CIT: variants seen among roughly 807,000 people sequenced by gnomAD.
CIT encodes the protein citron Rho-interacting kinase.
In CIT, 79 loss-of-function variants were observed where a neutral mutation model predicts 272.7. That is an observed-to-expected ratio of 0.29 (90% CI 0.24 to 0.35). CIT has a LOEUF of 0.35. CIT is among the 10% of genes least tolerant of loss of function. The pLI, the probability that CIT is intolerant of heterozygous loss-of-function variation, is 1.00. For synonymous variants in CIT, 948 were observed against 995.6 expected, an observed-to-expected ratio of 0.95 and a Z score of 0.90; for missense variants, 1,909 against 2,618.3, an observed-to-expected ratio of 0.73 and a Z score of 5.91.
intron 27 of CIT, among the ~76,000 whole-genome samples, chr12:119,730,278 C>T (rs1416457983): frequency 1.3e-5 from 2 of 152,042 alleles, no homozygotes; most frequent in Non-Finnish European, 2.9e-5. Context: ...AAGTCACTGG[C>T]CGACTGTGAT....
In CIT at chr12:119,807,273, T is replaced by C. The variant is rs1966665736; in HGVS notation, c.1112-3884A>G. Among the ~76,000 whole-genome samples, 3 of 152,294 alleles carry C rather than the reference T, an allele frequency of 2.0e-5. 1 individual carries two copies. Among genetic ancestry groups the C allele is most frequent in the South Asian group, 4.1e-4 (2 of 4,822 alleles). ...AAAGACAGAATGAGAAGATCCAATA[T>C]ACATCTAATGGGGCACAGAAAGAGA... On this transcript the variant is annotated intron_variant, in intron 9 of 47. Coordinates refer to ENST00000392521, the MANE Select transcript of CIT (RefSeq NM_001206999.2).
chr12:119,842,552 T>A (rs1160493605), intron 5 of CIT, among the ~76,000 whole-genome samples: 1 of 152,082 alleles, frequency 6.6e-6, no homozygotes, highest in Non-Finnish European at 1.5e-5. Flanking sequence ...ACTGTTTCCA[T>A]CAGCCACATG....
chr12:119,720,529 T>C lies in CIT; in HGVS notation c.3789A>G (p.Lys1263=). The part of the protein sequence containing the change: ...KMEGTISQQT[K]LIDFLQAKMD... ...TTTTGGCTTGCAGAAAATCAATGAGTTTGGTTTGTTGAGAAATAGTGCCTT... is the reference window on the plus strand; with the variant it reads ...TTTTGGCTTGCAGAAAATCAATGAGCTTGGTTTGTTGAGAAATAGTGCCTT... The change falls in exon 30 of 48, where the codon AAA becomes AAG. Residue 1263 remains lysine (K), a synonymous_variant. Coordinates refer to ENST00000392521, the MANE Select transcript of CIT (RefSeq NM_001206999.2). The C allele has an allele frequency of 5.0e-6, 8 of 1,610,934 alleles. No individual in the cohort carries two copies. The highest frequency in any genetic ancestry group is 6.8e-6 in the Non-Finnish European group (8 of 1,179,336).
chr12:119,781,646 T>C lies in CIT; in HGVS notation c.1665+872A>G, dbSNP rs533337823. On this transcript the variant is annotated intron_variant, in intron 13 of 47. Transcript: ENST00000392521. ...TGAGGCAATACAAAAATGAGCCATTTAGAAAGAAAACCCGTTTAGAAAGAA... is the reference window on the plus strand; with the variant it reads ...TGAGGCAATACAAAAATGAGCCATTCAGAAAGAAAACCCGTTTAGAAAGAA... Among the ~76,000 whole-genome samples the C allele has an allele frequency of 3.3e-5, 5 of 149,256 alleles. No homozygotes were observed. In the East Asian group the frequency reaches 5.9e-4, roughly 18 times the overall value.
intron 28 of CIT, among the ~76,000 whole-genome samples, chr12:119,721,740 G>C (rs1026274109): frequency 6.6e-6 from 1 of 152,152 alleles, no homozygotes; most frequent in Non-Finnish European, 1.5e-5. Context: ...AGGATATTTT[G>C]GTACATTAAG....
At chr12:119,826,194 C>T (rs938229115) in intron 7 of CIT, among the ~76,000 whole-genome samples, 2 of 152,160 alleles carry the variant, frequency 1.3e-5, no homozygotes, top group Non-Finnish European at 2.9e-5. Context: ...CAGGGCAAGA[C>T]ATGATAATTA....
At position 119,761,028 on chromosome 12, in the gene CIT, G is replaced by C. The variant is rs200716535; in HGVS notation, c.2332C>G (p.Leu778Val). 1 of 1,614,010 alleles carries C rather than the reference G, an allele frequency of 6.2e-7. No homozygotes were observed. The highest frequency in any genetic ancestry group is 1.1e-5 in the South Asian group (1 of 91,070). The change falls in exon 20 of 48, where the codon CTG becomes GTG. Residue 778 changes from leucine (L) to valine (V), a missense_variant. By Grantham distance (32) the Leu-to-Val change is conservative (BLOSUM62 1). Around this residue, in one of 8 missense-constraint regions of CIT, gnomAD observed 530 missense variants for 822.4 expected, o/e 0.64. Transcript: ENST00000392521. ...KVLDNQIKKD[L>V]ADKETLENMM... ...TTCTCCAGTGTCTCCTTGTCAGCCA[G>C]GTCTTTCTTTATCTGATTGTCCAAC...
intron 22 of CIT, among the ~76,000 whole-genome samples, chr12:119,756,899 C>T (rs1961060147): frequency 2.0e-5 from 3 of 152,134 alleles, no homozygotes; most frequent in East Asian, 1.9e-4. Flanking sequence ...GAAGCTGAGG[C>T]GGGTGGATCA....
At chr12:119,850,448 G>A (rs1416021314) in intron 4 of CIT, among the ~76,000 whole-genome samples, 173 bp from the exon 5 acceptor site, 2 of 135,170 alleles carry the variant, frequency 1.5e-5, no homozygotes, top group African/African-American at 6.3e-5. Context: ...GGAAAGGGAA[G>A]GAAAGGGAAG....
rs968961291 is a variant in CIT at position 119,770,049 on chromosome 12, C to T, written c.2208+736G>A. Among the ~76,000 whole-genome samples the T allele has an allele frequency of 2.6e-5, 4 of 152,154 alleles. No homozygotes were observed. The highest frequency in any genetic ancestry group is 4.8e-5 in the African/African-American group (2 of 41,432). The stretch of plus-strand genomic sequence containing the variant: ...CTCCAAGTCATCCTTGAGTCTCAAA[C>T]ATGATGTCAAATTTCTGGCTGTGGG... On this transcript the variant is annotated intron_variant, in intron 18 of 47. Transcript: ENST00000392521. This position sits in a 1 kb window ranked among gnomAD's most constrained non-coding sequence, Gnocchi z 4.4.
chr12:119,814,108 T>C (rs983223701), intron 9 of CIT, among the ~76,000 whole-genome samples: 1 of 152,234 alleles, frequency 6.6e-6, no homozygotes, highest in African/African-American at 2.4e-5. Flanking sequence ...CTCTATTTAT[T>C]CATTGTTATA....
chr12:119,717,834 C>CTTTTTTTT lies in CIT; in HGVS notation c.4168+410_4168+411insAAAAAAAA, dbSNP rs546520444. On this transcript the variant is annotated intron_variant, in intron 32 of 47. Coordinates refer to ENST00000392521, the MANE Select transcript of CIT (RefSeq NM_001206999.2). Reference sequence around the variant, plus strand: ...GGATGGGGAGCCAGGAGACTGACTTCTTTCTTTTTTTTTTTTTTTTTTTTG... The same window carrying CTTTTTTTT: ...GGATGGGGAGCCAGGAGACTGACTTCTTTTTTTTTTTCTTTTTTTTTTTTTTTTTTTTG... Among the ~76,000 whole-genome samples the CTTTTTTTT allele has an allele frequency of 3.6e-4, 25 of 70,234 alleles. 1 individual carries two copies. Among genetic ancestry groups the CTTTTTTTT allele is most frequent in the African/African-American group, 1.1e-3 (22 of 20,100 alleles). 46.1% of individuals were successfully genotyped at this position (70,234 alleles called of 152,430 possible).
chr12:119,715,141 G>A (rs1168354188), intron 32 of CIT, among the ~76,000 whole-genome samples: 1 of 152,108 alleles, frequency 6.6e-6, no homozygotes. Context: ...ATTCTCTTTT[G>A]TCACCGCCAC....
At chr12:119,714,463 A>C in intron 32 of CIT, 129 bp from the exon 33 acceptor site, 1 of 936,176 alleles carries the variant, frequency 1.1e-6, no homozygotes, top group Admixed American at 2.9e-5. Flanking sequence ...TCATATCTAG[A>C]ATACATAAAG....
Position 119,789,731 on chromosome 12 carries a change from G to A in CIT, c.1296-4666C>T, listed in dbSNP as rs148690949. 3.7e-3 allele frequency among the ~76,000 whole-genome samples: 555 copies of A among 151,862 alleles called. 6 individuals are homozygous for A. Among genetic ancestry groups the A allele is most frequent in the African/African-American group, 0.013 (528 of 41,390 alleles). ...TGTTTTGTTTTGTTTTGTTTGAGAC[G>A]GAGTCTCACTCCGTCACCAGGCTGG... On this transcript the variant is annotated intron_variant, in intron 10 of 47. Transcript: ENST00000392521.
At chr12:119,847,653 G>A (rs1166312988) in intron 5 of CIT, among the ~76,000 whole-genome samples, 2 of 152,036 alleles carry the variant, frequency 1.3e-5, no homozygotes, top group Non-Finnish European at 2.9e-5. Context: ...CACTTTGGGA[G>A]GCCAAGGCGG....
intron 23 of CIT, among the ~76,000 whole-genome samples, chr12:119,748,032 C>A (rs937209035): frequency 6.6e-6 from 1 of 151,984 alleles, no homozygotes; most frequent in Non-Finnish European, 1.5e-5. Flanking sequence ...AGGTGGGTGG[C>A]GAGCACCTAT....
In CIT at chr12:119,713,679, A is replaced by G. The variant is rs1424247362; in HGVS notation, c.4307-31T>C. ...GAAGAACAGTGAGCAACCTGAGGGC[A>G]TGCTCAGCTGACCCTGGACCCTTCC... On this transcript the variant is annotated intron_variant, in intron 33 of 47. Transcript: ENST00000392521. The surrounding 1 kb of genome is among the most constrained non-coding windows in gnomAD (Gnocchi z 5.2). The G allele has an allele frequency of 6.2e-7, 1 of 1,608,322 alleles. No homozygotes were observed. Among genetic ancestry groups the G allele is most frequent in the South Asian group, 1.1e-5 (1 of 90,948 alleles).
rs1033700655 is a variant in CIT, at chr12:119,694,640, C to G, written c.5882+3019G>C. 1.3e-5 allele frequency among the ~76,000 whole-genome samples: 2 copies of G among 151,742 alleles called. No individual in the cohort carries two copies. The highest frequency in any genetic ancestry group is 2.9e-5 in the Non-Finnish European group (2 of 67,958). The stretch of plus-strand genomic sequence containing the variant: ...GCAATGTGGTAAAACCCTGTCTCTA[C>G]AAAAAATACAAAAATTAGCCAGGTG... On this transcript the variant is annotated intron_variant, in intron 46 of 47. Transcript: ENST00000392521. The surrounding 1 kb of genome is among the most constrained non-coding windows in gnomAD (Gnocchi z 4.5).
Sources: allele counts gnomAD v4.1 joint callset (sites outside exome capture counted in the v4.1 genomes callset), GRCh38; gene constraint gnomAD v4.1.1; regional missense constraint gnomAD v4.1.1; non-coding constraint Gnocchi (gnomAD v3.1); transcripts MANE v1.5; gene names NCBI Gene and HGNC (gene_info 2026-07-23, HGNC 2026-07-21).